Variants in WAPL observed in about 807,000 individuals in gnomAD.
The protein encoded by WAPL is wings apart-like protein homolog.
Under a neutral mutation model 121.0 loss-of-function variants are expected in WAPL, and 5 were observed. The ratio of observed to expected loss-of-function variants is 0.04; its 90% CI spans 0.02 to 0.09. WAPL has a LOEUF of 0.09. WAPL is among the 10% of genes least tolerant of loss of function. WAPL has a pLI of 1.00. For missense variants in WAPL, 999 were observed against 1,410.8 expected (o/e 0.71, Z 4.68); for synonymous variants, 480 against 481.5 (o/e 1.00, Z 0.04).
chr10:86,503,934 C>G (rs1057195326), intron 2 of WAPL, among the ~76,000 whole-genome samples: 1 of 152,088 alleles, frequency 6.6e-6, no homozygotes, highest in African/African-American at 2.4e-5. Context: ...CTTTGGGAGG[C>G]CGAGTCAGGC....
intron 17 of WAPL, among the ~76,000 whole-genome samples, chr10:86,441,943 C>T (rs1266155201): frequency 6.6e-6 from 1 of 152,222 alleles, no homozygotes; most frequent in Non-Finnish European, 1.5e-5. Context: ...TTGTTTAAGC[C>T]AGATGAGTAC....
chr10:86,503,790 C>G (rs551415104), intron 2 of WAPL, among the ~76,000 whole-genome samples: 2 of 151,384 alleles, frequency 1.3e-5, no homozygotes, highest in Non-Finnish European at 2.9e-5. Context: ...AAATGCTTAT[C>G]ATTAGTTGCT....
intron 13 of WAPL, 55 bp downstream of exon 13, chr10:86,453,598 CTTG>C: frequency 6.6e-7 from 1 of 1,513,560 alleles, no homozygotes. Flanking sequence ...ACAAAAATAA[CTTG>C]TTTTCACATG....
intron 9 of WAPL, among the ~76,000 whole-genome samples, chr10:86,461,696 A>G (rs939684288): frequency 2.6e-5 from 4 of 152,220 alleles, no homozygotes; most frequent in African/African-American, 7.2e-5. Flanking sequence ...TGAATCTTCA[A>G]AAGTACAAGT....
intron 17 of WAPL, among the ~76,000 whole-genome samples, chr10:86,440,541 T>C (rs530354529): frequency 6.5e-4 from 99 of 152,154 alleles, no homozygotes; most frequent in African/African-American, 2.3e-3. Flanking sequence ...CCTTGTGATC[T>C]GCCCACCTTG....
At chr10:86,520,882 A>C (rs1842662050) in intron 1 of WAPL, among the ~76,000 whole-genome samples, 1 of 151,786 alleles carries the variant, frequency 6.6e-6, no homozygotes, top group Non-Finnish European at 1.5e-5. Flanking sequence ...TGGAAAGCGG[A>C]CGGGACGAAC....
rs4934218 is a variant in WAPL at position 86,521,589 on chromosome 10, A to G, written c.-247T>C. 443,223 of 443,584 alleles carry G rather than the reference A, an allele frequency of 1. 221,431 individuals are homozygous for G. The highest frequency in any genetic ancestry group is 1 in the Admixed American group (38,683 of 38,686). 27.5% of individuals were successfully genotyped at this position (443,584 alleles called of 1,614,324 possible). Reference sequence around the variant, plus strand: ...GCCTCGAGCGCCGCCGGCCGGGCCCAGGCCTAGCTCTCGCTGGCCGCCACT... The same window carrying G: ...GCCTCGAGCGCCGCCGGCCGGGCCCGGGCCTAGCTCTCGCTGGCCGCCACT... On this transcript the variant is annotated 5_prime_UTR_variant, in exon 1 of 19. Transcript: ENST00000298767.
chr10:86,481,811 C>T (rs1008764397), intron 4 of WAPL, among the ~76,000 whole-genome samples: 2 of 151,764 alleles, frequency 1.3e-5, no homozygotes, highest in Non-Finnish European at 2.9e-5. Flanking sequence ...TTAAACTTAC[C>T]TTTTTATATA....
intron 8 of WAPL, among the ~76,000 whole-genome samples, chr10:86,470,182 G>A (rs974963823): frequency 1.3e-5 from 2 of 151,920 alleles, no homozygotes; most frequent in African/African-American, 4.8e-5. Context: ...ACAGGTGCCT[G>A]CCACCACACC....
intron 8 of WAPL, among the ~76,000 whole-genome samples, chr10:86,470,308 A>G (rs1841507947): frequency 6.6e-6 from 1 of 152,192 alleles, no homozygotes; most frequent in African/African-American, 2.4e-5. Context: ...TGCTGGGATT[A>G]CAGGCATGAG....
chr10:86,465,887 G>A (rs529345004), intron 9 of WAPL, among the ~76,000 whole-genome samples: 4 of 152,196 alleles, frequency 2.6e-5, no homozygotes, highest in African/African-American at 9.6e-5. Flanking sequence ...GAGTTTTGAT[G>A]TTGGAAATGT....
Position 86,521,585 on chromosome 10 carries a change from GCC to G in WAPL, c.-245_-244del. 1 of 442,102 alleles carries G rather than the reference GCC, an allele frequency of 2.3e-6. No homozygotes were observed. Among genetic ancestry groups the G allele is most frequent in the South Asian group, 1.6e-5 (1 of 60,830 alleles). The allele number at this position is 442,102 out of a possible 1,614,324, so 27.4% of individuals were successfully genotyped here. ...CCCCGCCTCGAGCGCCGCCGGCCGG[GCC>G]CAGGCCTAGCTCTCGCTGGCCGCCA... On this transcript the variant is annotated 5_prime_UTR_variant, in exon 1 of 19. Coordinates refer to ENST00000298767, the MANE Select transcript of WAPL (RefSeq NM_015045.5).
At chr10:86,505,592 C>T (rs1019162397) in intron 2 of WAPL, among the ~76,000 whole-genome samples, 2 of 151,914 alleles carry the variant, frequency 1.3e-5, no homozygotes, top group Non-Finnish European at 2.9e-5. Context: ...CGGTCACAGC[C>T]CTTAAAAATT....
chr10:86,513,970 T>C (rs1011997679), intron 2 of WAPL, among the ~76,000 whole-genome samples: 2 of 152,224 alleles, frequency 1.3e-5, no homozygotes, highest in Non-Finnish European at 2.9e-5. Flanking sequence ...AGTAGGTACA[T>C]GAATACTTGC....
At chr10:86,483,926 C>T (rs2132205843) in intron 4 of WAPL, among the ~76,000 whole-genome samples, 1 of 150,320 alleles carries the variant, frequency 6.7e-6, no homozygotes, top group East Asian at 2.0e-4. Context: ...ACCATGTTGG[C>T]CAGACTGGCC....
rs942820448 is a variant in WAPL, at chr10:86,472,197, T to C, written c.2030+11A>G. 4.5e-6 allele frequency: 7 copies of C among 1,544,670 alleles called. No individual in the cohort carries two copies. The highest frequency in any genetic ancestry group is 4.2e-5 in the African/African-American group (3 of 71,308). ...TGCACATAATTGTAAAATATAAAAA[T>C]AAGATCTTACCTAAGGCAACGTGTG... On this transcript the variant is annotated intron_variant, in intron 7 of 18. Coordinates refer to ENST00000298767, the MANE Select transcript of WAPL (RefSeq NM_015045.5). The surrounding 1 kb of genome is among the most constrained non-coding windows in gnomAD (Gnocchi z 4.2).
At chr10:86,463,125 A>C (rs1402057664) in intron 9 of WAPL, among the ~76,000 whole-genome samples, 1 of 152,226 alleles carries the variant, frequency 6.6e-6, no homozygotes, top group African/African-American at 2.4e-5. Flanking sequence ...CCAAATCACT[A>C]ATCAGAAAAT....
At chr10:86,515,438 T>C (rs538376731) in intron 2 of WAPL, among the ~76,000 whole-genome samples, 83 of 152,220 alleles carry the variant, frequency 5.5e-4, no homozygotes, top group African/African-American at 1.9e-3. Context: ...TTAACCTCTT[T>C]GAGCTTCTTA....
intron 16 of WAPL, chr10:86,443,592 A>G (rs1407074200): frequency 6.6e-6 from 3 of 454,684 alleles, no homozygotes; most frequent in Non-Finnish European, 1.2e-5. Context: ...GTTGCAAAGG[A>G]CACAATTAAC....
Sources: gnomAD v4.1 joint callset for allele counts (sites outside exome capture counted in the v4.1 genomes callset) on GRCh38, gnomAD v4.1.1 for gene constraint, Gnocchi (gnomAD v3.1) non-coding constraint, MANE v1.5 for transcripts, NCBI Gene and HGNC (gene_info 2026-07-23, HGNC 2026-07-21) for gene names.